LEMD3: variants seen among roughly 807,000 people sequenced by gnomAD.
LEMD3 encodes inner nuclear membrane protein Man1.
In LEMD3, 33 loss-of-function variants were observed where a neutral mutation model predicts 95.2. That is an observed-to-expected ratio of 0.35 (90% confidence interval 0.26 to 0.46). LEMD3 has a LOEUF of 0.46. LEMD3 is among the 20% of genes least tolerant of loss of function. LEMD3 has a pLI of 1.00. For missense variants in LEMD3, 1,210 were observed against 1,192.8 expected (o/e 1.01, Z -0.21); for synonymous variants, 525 against 474.6 (o/e 1.11, Z -1.38).
chr12:65,241,861 G>A (rs1302264340), intron 9 of LEMD3, among the ~76,000 whole-genome samples: 2 of 152,010 alleles, frequency 1.3e-5, no homozygotes, highest in African/African-American at 4.8e-5. Flanking sequence ...TGAATAAGAG[G>A]CTTCTTTAAA....
At chr12:65,240,349 C>A in intron 8 of LEMD3, 111 bp downstream of exon 8, 1 of 818,460 alleles carries the variant, frequency 1.2e-6, no homozygotes, top group Non-Finnish European at 2.1e-6. Flanking sequence ...TTGCTTACTG[C>A]ACAGGTTTTT....
chr12:65,245,611 G>C lies in LEMD3; in HGVS notation c.2388-58G>C, dbSNP rs1317832363. On this transcript the variant is annotated intron_variant, in intron 10 of 12. Transcript: ENST00000308330. ...ATATATATATGTTGTAAGAGACAGT[G>C]AAGAATTTTTACCGAGTAGGAATAT... is the stretch of plus-strand genomic sequence containing the variant. The C allele has an allele frequency of 7.3e-5, 84 of 1,157,566 alleles. No individual in the cohort carries two copies. The East Asian group carries it at 1.9e-3, about 26-fold the overall frequency. The allele number at this position is 1,157,566 out of a possible 1,614,324, so 71.7% of individuals were successfully genotyped here.
intron 1 of LEMD3, among the ~76,000 whole-genome samples, chr12:65,179,707 A>G (rs905543787): frequency 1.3e-5 from 2 of 152,192 alleles, no homozygotes; most frequent in South Asian, 2.1e-4. Context: ...GCAAACTGCC[A>G]TGGCACGCGT....
chr12:65,246,547 CCAA>C lies in LEMD3; in HGVS notation c.*223_*225del. 1 of 534,988 alleles carries C rather than the reference CCAA, an allele frequency of 1.9e-6. No individual in the cohort carries two copies. Among genetic ancestry groups the C allele is most frequent in the Middle Eastern group, 5.1e-4 (1 of 1,978 alleles). 33.1% of individuals were successfully genotyped at this position (534,988 alleles called of 1,614,324 possible). A position where few individuals can be genotyped will look rare whatever the true frequency, so the allele number is the denominator to read the frequency against. On this transcript the variant is annotated 3_prime_UTR_variant, in exon 13 of 13. Transcript: ENST00000308330. Reference sequence around the variant, plus strand: ...ATTCAGTTTTTGGAGCTCAGTTAAGCCAATACATTTAAAGTTTTGCATGAGGAA... The same window carrying C: ...ATTCAGTTTTTGGAGCTCAGTTAAGCTACATTTAAAGTTTTGCATGAGGAA...
intron 2 of LEMD3, among the ~76,000 whole-genome samples, chr12:65,212,709 G>A (rs1010529219): frequency 6.6e-6 from 1 of 152,090 alleles, no homozygotes; most frequent in Non-Finnish European, 1.5e-5. Flanking sequence ...TTAGAAAGTA[G>A]CTAATTCAAA....
intron 4 of LEMD3, among the ~76,000 whole-genome samples, chr12:65,221,669 C>G (rs1870293014): frequency 6.6e-6 from 1 of 150,654 alleles, no homozygotes; most frequent in African/African-American, 2.4e-5. Flanking sequence ...ATGTCTAGTG[C>G]TATGAGAGAT....
chr12:65,210,227 A>G lies in LEMD3; in HGVS notation c.1523-699A>G, dbSNP rs1405649466. On this transcript the variant is annotated intron_variant, in intron 1 of 12. Transcript: ENST00000308330. ...TGGAATTGCTTAATACTGAGACTTA[A>G]TTCTTAGTTACTTTGATCTGTATTT... 4.1e-4 allele frequency among the ~76,000 whole-genome samples: 62 copies of G among 151,938 alleles called. 1 individual carries two copies. Among genetic ancestry groups the G allele is most frequent in the Admixed American group, 4.1e-3 (62 of 15,260 alleles).
rs1565787057 is a variant in LEMD3, at chr12:65,202,100, C to G, written c.1523-8826C>G. 4.6e-5 allele frequency among the ~76,000 whole-genome samples: 7 copies of G among 151,220 alleles called. No individual in the cohort carries two copies. The East Asian group carries it at 1.4e-3, about 29-fold the overall frequency. ...AATCTCGGCTCACTGCAACTTTTTC[C>G]TTCCAGGTTCAAGCAATTCTCCTGC... On this transcript the variant is annotated intron_variant, in intron 1 of 12. Coordinates refer to ENST00000308330, the MANE Select transcript of LEMD3 (RefSeq NM_014319.5).
intron 1 of LEMD3, among the ~76,000 whole-genome samples, chr12:65,194,086 A>G (rs1396834357): frequency 6.6e-6 from 1 of 152,126 alleles, no homozygotes; most frequent in African/African-American, 2.4e-5. Context: ...CTTTAAAAAC[A>G]TTTTGGGTTA....
In LEMD3 at chr12:65,238,589, A is replaced by T. The variant is rs957862418; in HGVS notation, c.1775+8A>T. On this transcript the variant is annotated splice_region_variant and intron_variant, in intron 5 of 12. Coordinates refer to ENST00000308330, the MANE Select transcript of LEMD3 (RefSeq NM_014319.5). Reference sequence around the variant, plus strand: ...AAAAGATGTTGGAATAAGGTAAAGGATCTGATTTCCACTTTGACCATTCTG... The same window carrying T: ...AAAAGATGTTGGAATAAGGTAAAGGTTCTGATTTCCACTTTGACCATTCTG... 1 of 1,611,932 alleles carries T rather than the reference A, an allele frequency of 6.2e-7. No homozygotes were observed. Among genetic ancestry groups the T allele is most frequent in the Non-Finnish European group, 8.5e-7 (1 of 1,178,052 alleles).
intron 1 of LEMD3, among the ~76,000 whole-genome samples, chr12:65,187,267 A>C (rs761265674): frequency 3.1e-4 from 47 of 152,130 alleles, no homozygotes; most frequent in Non-Finnish European, 5.9e-4. Context: ...GTTTTAAGAA[A>C]GTGAGTGTTT....
At chr12:65,223,847 T>TC (rs398038908) in intron 4 of LEMD3, among the ~76,000 whole-genome samples, 4 of 150,200 alleles carry the variant, frequency 2.7e-5, no homozygotes, top group African/African-American at 9.9e-5. Context: ...TTTTTTTTTT[T>TC]GTAGTGACAA....
chr12:65,172,707 A>G (rs563982271), intron 1 of LEMD3, among the ~76,000 whole-genome samples: 8 of 151,826 alleles, frequency 5.3e-5, no homozygotes, highest in African/African-American at 1.9e-4. Context: ...TCTAACAACT[A>G]TAAGATCTGG....
chr12:65,234,589 A>G (rs1870721350), intron 4 of LEMD3, among the ~76,000 whole-genome samples: 3 of 152,204 alleles, frequency 2.0e-5, no homozygotes, highest in Admixed American at 1.3e-4. Context: ...TTTATTGAGA[A>G]TGTGTACCCA....
intron 2 of LEMD3, 143 bp from the exon 3 acceptor site, chr12:65,215,834 C>T: frequency 2.0e-6 from 1 of 501,210 alleles, no homozygotes; most frequent in East Asian, 3.3e-5. Flanking sequence ...AATATGGTGC[C>T]CATTACTTAA....
Position 65,235,495 on chromosome 12 carries a change from A to G in LEMD3, c.1696-3007A>G, listed in dbSNP as rs762219234. ...GGTTTTGCATCCATGGATTTAACCAACCGTGGATCAAAAATCTTAGTGGCA... is the reference window on the plus strand; with the variant it reads ...GGTTTTGCATCCATGGATTTAACCAGCCGTGGATCAAAAATCTTAGTGGCA... On this transcript the variant is annotated intron_variant, in intron 4 of 12. Transcript: ENST00000308330. Among the ~76,000 whole-genome samples the G allele has an allele frequency of 6.0e-4, 92 of 152,246 alleles. 1 individual carries two copies. Among genetic ancestry groups the G allele is most frequent in the South Asian group, 1.9e-3 (9 of 4,828 alleles).
chr12:65,186,057 T>C (rs1406113856), intron 1 of LEMD3, among the ~76,000 whole-genome samples: 1 of 152,114 alleles, frequency 6.6e-6, no homozygotes, highest in Non-Finnish European at 1.5e-5. Context: ...AGATAACTTA[T>C]TAATCTATCT....
intron 1 of LEMD3, among the ~76,000 whole-genome samples, chr12:65,177,840 CTT>C (rs776856955): frequency 7.6e-5 from 10 of 130,726 alleles, no homozygotes; most frequent in Non-Finnish European, 6.7e-5. Context: ...TGCTCTCATT[CTT>C]TTTTTTTTTT....
chr12:65,183,770 A>G (rs1170710922), intron 1 of LEMD3, among the ~76,000 whole-genome samples: 3 of 152,056 alleles, frequency 2.0e-5, no homozygotes, highest in Non-Finnish European at 4.4e-5. Flanking sequence ...TTGTGATTTA[A>G]TTTTTCCTTA....
Sources: gnomAD v4.1 joint callset for allele counts (sites outside exome capture counted in the v4.1 genomes callset) on GRCh38, gnomAD v4.1.1 for gene constraint, MANE v1.5 for transcripts, NCBI Gene and HGNC (gene_info 2026-07-23, HGNC 2026-07-21) for gene names.